LRRC28: variants seen among roughly 807,000 people sequenced by gnomAD.
The protein encoded by LRRC28 is leucine rich repeat containing 28.
LRRC28 carries 39 observed loss-of-function variants against 45.7 expected under a neutral mutation model. The observed-to-expected ratio is 0.85, with a 90% CI of 0.66 to 1.12. The LOEUF is 1.12. Ranked by LOEUF, LRRC28 falls within the 50% of genes most tolerant of loss-of-function variation. LRRC28 has a pLI of 0.00. For missense variants in LRRC28, 435 were observed against 438.5 expected (o/e 0.99, Z 0.07); for synonymous variants, 206 against 178.8 (o/e 1.15, Z -1.22).
chr15:99,330,840 G>A lies in LRRC28; in HGVS notation c.386-3083G>A, dbSNP rs566037996. ...TTTTCATGTTAGATAAATATTTTTA[G>A]TGTGCAATTTCAGTTACTGTGCTGA... On this transcript the variant is annotated intron_variant, in intron 5 of 9. Coordinates refer to ENST00000301981, the MANE Select transcript of LRRC28 (RefSeq NM_144598.5). Among the ~76,000 whole-genome samples, 22 of 151,756 alleles carry A rather than the reference G, an allele frequency of 1.4e-4. No individual in the cohort carries two copies. In the East Asian group the frequency reaches 2.7e-3, roughly 19 times the overall value.
intron 1 of LRRC28, among the ~76,000 whole-genome samples, chr15:99,252,600 A>G (rs1006531034): frequency 6.6e-6 from 1 of 152,218 alleles, no homozygotes; most frequent in Non-Finnish European, 1.5e-5. Flanking sequence ...CCTCCTCTAC[A>G]AAACGGGCTA....
chr15:99,265,143 A>G (rs1230702826), intron 2 of LRRC28, among the ~76,000 whole-genome samples: 3 of 152,156 alleles, frequency 2.0e-5, no homozygotes, highest in African/African-American at 7.2e-5. Context: ...GTTGGTGACT[A>G]AGCTTATGGT....
chr15:99,367,024 T>A (rs778106730), intron 9 of LRRC28, among the ~76,000 whole-genome samples: 4 of 152,222 alleles, frequency 2.6e-5, no homozygotes, highest in Non-Finnish European at 5.9e-5. Flanking sequence ...AGACACTAGC[T>A]GGGTGTCCTG....
intron 5 of LRRC28, among the ~76,000 whole-genome samples, chr15:99,330,012 C>G (rs1445273238): frequency 6.6e-6 from 1 of 152,062 alleles, no homozygotes; most frequent in Non-Finnish European, 1.5e-5. Flanking sequence ...AGTGACCTAT[C>G]AAGTATTGTT....
intron 5 of LRRC28, among the ~76,000 whole-genome samples, chr15:99,313,666 C>T (rs964954101): frequency 2.6e-5 from 4 of 152,184 alleles, no homozygotes; most frequent in African/African-American, 7.2e-5. Flanking sequence ...CTAATTTTCT[C>T]ATTTCTTATT....
intron 5 of LRRC28, among the ~76,000 whole-genome samples, chr15:99,311,606 G>A (rs1955413663): frequency 6.6e-6 from 1 of 152,184 alleles, no homozygotes; most frequent in African/African-American, 2.4e-5. Flanking sequence ...ATGACACACA[G>A]ACCCAATCTG....
At chr15:99,294,650 G>T (rs895882232) in intron 5 of LRRC28, among the ~76,000 whole-genome samples, 1 of 152,152 alleles carries the variant, frequency 6.6e-6, no homozygotes. Flanking sequence ...ATGGAGCAAG[G>T]CAGCTCTCTG....
intron 2 of LRRC28, among the ~76,000 whole-genome samples, chr15:99,273,501 T>C (rs941422178): frequency 1.3e-5 from 2 of 151,664 alleles, no homozygotes; most frequent in Non-Finnish European, 2.9e-5. Context: ...CCTCCCAAAG[T>C]GCTGAGATTA....
At chr15:99,350,008 C>T (rs1162127333) in intron 6 of LRRC28, among the ~76,000 whole-genome samples, 3 of 151,350 alleles carry the variant, frequency 2.0e-5, no homozygotes, top group Non-Finnish European at 2.9e-5. Context: ...CGGTGGCGGG[C>T]GCCTGTAGTC....
chr15:99,285,231 C>A, intron 3 of LRRC28: 1 of 732,030 alleles, frequency 1.4e-6, no homozygotes, highest in South Asian at 1.3e-5. Context: ...TAATGTTCTT[C>A]AGTGTCTTCT....
chr15:99,345,100 C>A (rs1956637088), intron 6 of LRRC28, among the ~76,000 whole-genome samples: 1 of 152,148 alleles, frequency 6.6e-6, no homozygotes, highest in African/African-American at 2.4e-5. Context: ...TAGCAATTCT[C>A]ACTAAACCTG....
At chr15:99,359,912 T>C (rs573764879) in intron 7 of LRRC28, among the ~76,000 whole-genome samples, 16 of 152,326 alleles carry the variant, frequency 1.1e-4, no homozygotes, top group Non-Finnish European at 1.3e-4. Context: ...CCATACCTCT[T>C]CTGTTTATCT....
intron 5 of LRRC28, among the ~76,000 whole-genome samples, chr15:99,323,039 A>G (rs1955852815): frequency 1.3e-5 from 2 of 152,200 alleles, no homozygotes; most frequent in Admixed American, 6.5e-5. Flanking sequence ...TTTCTGGTCC[A>G]TGATGCCTGC....
At chr15:99,298,446 A>G (rs775334785) in intron 5 of LRRC28, among the ~76,000 whole-genome samples, 1 of 152,198 alleles carries the variant, frequency 6.6e-6, no homozygotes, top group Non-Finnish European at 1.5e-5. Flanking sequence ...AATCCATCAT[A>G]CACACTACTT....
At chr15:99,320,775 G>C (rs888606466) in intron 5 of LRRC28, 4 of 152,114 alleles carry the variant, frequency 2.6e-5, no homozygotes, top group South Asian at 4.1e-4. Flanking sequence ...GGGTGGATCT[G>C]GTTGTACCTT....
Position 99,354,072 on chromosome 15 carries a change from A to G in LRRC28, c.695+1601A>G, listed in dbSNP as rs184941365. 6.6e-5 allele frequency: 10 copies of G among 152,354 alleles called. No homozygotes were observed. In the East Asian group the frequency reaches 1.9e-3, roughly 29 times the overall value. The allele number at this position is 152,354 out of a possible 1,614,324, so 9.4% of individuals were successfully genotyped here. On this transcript the variant is annotated intron_variant, in intron 7 of 9. Coordinates refer to ENST00000301981, the MANE Select transcript of LRRC28 (RefSeq NM_144598.5). ...GAAATAAAATTATTAACAGGATAGT[A>G]TCAAACAACCAGTTTTCTAATAGTA...
At chr15:99,282,191 T>TTTTTTTTTTTTTTTTTTTTG (rs1327794715) in intron 3 of LRRC28, among the ~76,000 whole-genome samples, 3 of 138,384 alleles carry the variant, frequency 2.2e-5, no homozygotes, top group East Asian at 2.5e-4. Context: ...TTTTTTTTTT[T>TTTTTTTTTTTTTTTTTTTTG]GTAGCAGTAG....
intron 9 of LRRC28, among the ~76,000 whole-genome samples, chr15:99,366,650 C>G (rs1337654644): frequency 6.6e-6 from 1 of 152,038 alleles, no homozygotes; most frequent in Non-Finnish European, 1.5e-5. Flanking sequence ...GGGCACAAAT[C>G]CTATCATGAG....
intron 5 of LRRC28, among the ~76,000 whole-genome samples, chr15:99,300,194 A>T (rs1398607144): frequency 6.6e-6 from 1 of 151,938 alleles, no homozygotes; most frequent in Non-Finnish European, 1.5e-5. Flanking sequence ...GCATGAATCC[A>T]TTTTTCTTAA....
Sources: gnomAD v4.1 joint callset for allele counts (sites outside exome capture counted in the v4.1 genomes callset) on GRCh38, gnomAD v4.1.1 for gene constraint, MANE v1.5 for transcripts, NCBI Gene and HGNC (gene_info 2026-07-23, HGNC 2026-07-21) for gene names.